CSMD2: variants seen among roughly 807,000 people sequenced by gnomAD.
CSMD2 encodes CUB and Sushi multiple domains 2.
CSMD2 carries 130 observed loss-of-function variants against 398.5 expected under a neutral mutation model. The observed-to-expected ratio is 0.33, with a 90% CI of 0.28 to 0.38. The LOEUF is 0.38. Ranked by LOEUF, CSMD2 falls within the 10% of genes least tolerant of loss-of-function variation. The pLI, the probability that CSMD2 is intolerant of heterozygous loss-of-function variation, is 1.00. For synonymous variants in CSMD2, 1,828 were observed against 1,908.5 expected (o/e 0.96, Z 1.10); for missense variants, 3,829 against 4,764.9 (o/e 0.80, Z 5.78).
At chr1:33,784,738 G>A (rs1653306546) in intron 12 of CSMD2, among the ~76,000 whole-genome samples, 1 of 152,194 alleles carries the variant, frequency 6.6e-6, no homozygotes, top group East Asian at 1.9e-4. Flanking sequence ...AAGAAATGTG[G>A]AAGGTTTGGC....
At chr1:33,912,546 G>A (rs1643508514) in intron 5 of CSMD2, among the ~76,000 whole-genome samples, 1 of 152,134 alleles carries the variant, frequency 6.6e-6, no homozygotes, top group Non-Finnish European at 1.5e-5. Flanking sequence ...GAGGGGTAGA[G>A]GAAAGAAGGA....
At chr1:33,765,364 C>T (rs1414918269) in intron 13 of CSMD2, among the ~76,000 whole-genome samples, 1 of 151,944 alleles carries the variant, frequency 6.6e-6, no homozygotes, top group African/African-American at 2.4e-5. Flanking sequence ...AATACCAGTG[C>T]TAAGATAGAA....
chr1:33,790,845 C>CTATCTATCATCT (rs1553207628), intron 11 of CSMD2, among the ~76,000 whole-genome samples: 5 of 128,608 alleles, frequency 3.9e-5, no homozygotes, highest in Admixed American at 3.2e-4. Flanking sequence ...ATCTATCTAT[C>CTATCTATCATCT]ATCTATCTAT....
intron 58 of CSMD2, among the ~76,000 whole-genome samples, chr1:33,542,486 G>A (rs1002366096): frequency 1.3e-5 from 2 of 152,206 alleles, no homozygotes; most frequent in Non-Finnish European, 1.5e-5. Context: ...GCTACTTCAC[G>A]GAGTTACGGA....
At chr1:34,021,234 T>C (rs1207953452) in intron 3 of CSMD2, among the ~76,000 whole-genome samples, 1 of 151,970 alleles carries the variant, frequency 6.6e-6, no homozygotes, top group African/African-American at 2.4e-5. Context: ...GGCTCATGGG[T>C]TGGGAAATAA....
chr1:34,030,701 T>G (rs376403338), intron 3 of CSMD2, among the ~76,000 whole-genome samples: 2 of 152,298 alleles, frequency 1.3e-5, no homozygotes, highest in South Asian at 4.2e-4. Flanking sequence ...CAGGGCAGTG[T>G]GGGCAGGGAC....
At chr1:33,986,856 G>A (rs1208262222) in intron 3 of CSMD2, among the ~76,000 whole-genome samples, 2 of 152,174 alleles carry the variant, frequency 1.3e-5, no homozygotes, top group African/African-American at 2.4e-5. Context: ...ACCAAGGCAC[G>A]GACATGCAGC....
At chr1:33,700,094 T>C (rs190108943) in intron 23 of CSMD2, among the ~76,000 whole-genome samples, 25 of 152,096 alleles carry the variant, frequency 1.6e-4, no homozygotes, top group African/African-American at 5.5e-4. Context: ...CTGCAACCTC[T>C]GCCTTCCGGG....
chr1:33,992,965 T>C (rs911311557), intron 3 of CSMD2, among the ~76,000 whole-genome samples: 7 of 151,718 alleles, frequency 4.6e-5, no homozygotes, highest in Admixed American at 2.6e-4. Flanking sequence ...GAAAGAGCTC[T>C]AAAGACATAT....
At chr1:33,587,240 AT>A in intron 44 of CSMD2, 72 bp from the exon 45 acceptor site, 1 of 1,128,478 alleles carries the variant, frequency 8.9e-7, no homozygotes, top group Non-Finnish European at 1.3e-6. Context: ...CATTTGTTCA[AT>A]TCTTCACTTT....
chr1:33,934,782 G>A (rs1394283997), intron 4 of CSMD2, among the ~76,000 whole-genome samples: 1 of 149,348 alleles, frequency 6.7e-6, no homozygotes, highest in East Asian at 2.0e-4. Flanking sequence ...GATCATTTGA[G>A]CTCAGGAGTT....
At chr1:34,080,180 A>AAT (rs760945753) in intron 2 of CSMD2, among the ~76,000 whole-genome samples, 40 of 151,696 alleles carry the variant, frequency 2.6e-4, no homozygotes, top group Non-Finnish European at 5.2e-4. Flanking sequence ...TCATATTGGA[A>AAT]ATATATATAT....
intron 5 of CSMD2, among the ~76,000 whole-genome samples, chr1:33,910,095 C>CA (rs34605324): frequency 0.083 from 12,584 of 152,108 alleles, 573 homozygotes; most frequent in Middle Eastern, 0.11. Context: ...TGCAGAGTCA[C>CA]AAAAAAAGTT....
chr1:33,930,728 C>T (rs189539667), intron 4 of CSMD2, among the ~76,000 whole-genome samples: 4 of 152,342 alleles, frequency 2.6e-5, no homozygotes, highest in Admixed American at 2.0e-4. Flanking sequence ...AGCTCAGCAC[C>T]TCCCAGGGAC....
intron 2 of CSMD2, among the ~76,000 whole-genome samples, chr1:34,073,906 C>T (rs1023045736): frequency 5.9e-5 from 9 of 152,202 alleles, no homozygotes; most frequent in Non-Finnish European, 1.2e-4. Flanking sequence ...TGCCTGGCTC[C>T]TGGGGAGGCC....
At chr1:33,585,277 A>C (rs1570828855) in intron 46 of CSMD2, among the ~76,000 whole-genome samples, 1 of 152,296 alleles carries the variant, frequency 6.6e-6, no homozygotes, top group East Asian at 1.9e-4. Context: ...GAACTGCAAG[A>C]CCAAAAATTA....
intron 7 of CSMD2, among the ~76,000 whole-genome samples, chr1:33,821,440 A>C (rs574026967): frequency 3.9e-4 from 60 of 152,304 alleles, no homozygotes; most frequent in Non-Finnish European, 7.8e-4. Context: ...AGCCAGGCAC[A>C]CAGCCTGGTC....
intron 5 of CSMD2, among the ~76,000 whole-genome samples, chr1:33,907,818 G>A (rs908738044): frequency 3.9e-5 from 6 of 152,178 alleles, no homozygotes; most frequent in Non-Finnish European, 2.9e-5. Flanking sequence ...ACTGGATAAA[G>A]AGAAACTAGG....
intron 10 of CSMD2, among the ~76,000 whole-genome samples, chr1:33,808,310 A>G (rs1385367381): frequency 6.6e-6 from 1 of 152,116 alleles, no homozygotes; most frequent in East Asian, 1.9e-4. Context: ...AAAACTGCAA[A>G]ATGCAGGGTT....
Sources: allele counts gnomAD v4.1 joint callset (sites outside exome capture counted in the v4.1 genomes callset), GRCh38; gene constraint gnomAD v4.1.1; transcripts MANE v1.5; gene names NCBI Gene and HGNC (gene_info 2026-07-23, HGNC 2026-07-21).